The following DPF3 variants were observed in gnomAD, a reference collection of about 807,000 sequenced individuals.
The protein encoded by DPF3 is zinc finger protein DPF3.
A neutral mutation model predicts 56.8 loss-of-function variants in DPF3; 18 were observed. That is an observed-to-expected ratio of 0.32 (90% CI 0.22 to 0.47). The LOEUF is 0.47. DPF3 is among the 20% of genes least tolerant of loss of function. The pLI, the probability that DPF3 is intolerant of heterozygous loss-of-function variation, is 1.00. For missense variants in DPF3, 403 were observed against 488.8 expected, an observed-to-expected ratio of 0.82 and a Z score of 1.65; for synonymous variants, 188 against 180.2, an observed-to-expected ratio of 1.04 and a Z score of -0.35.
chr14:72,652,925 G>A (rs929210406), intron 8 of DPF3, among the ~76,000 whole-genome samples: 1 of 152,196 alleles, frequency 6.6e-6, no homozygotes, highest in African/African-American at 2.4e-5. Flanking sequence ...AGAGGTCAAT[G>A]TGAAGGCTCA....
intron 8 of DPF3, among the ~76,000 whole-genome samples, chr14:72,669,661 TCTCTTGTAGTTGAAG>T (rs1209039996): frequency 2.0e-5 from 3 of 152,160 alleles, no homozygotes; most frequent in East Asian, 3.9e-4. Context: ...CCAGCCATTT[TCTCTTGTAGTTGAAG>T]CCAGAAGCCT....
intron 1 of DPF3, chr14:72,773,778 A>G (rs8015749): frequency 0.57 from 256,660 of 453,314 alleles, 74,585 homozygotes; most frequent in Non-Finnish European, 0.62. Context: ...GTTAACCTAT[A>G]TTATAGCATA....
intron 1 of DPF3, among the ~76,000 whole-genome samples, chr14:72,872,760 T>C (rs1213092724): frequency 6.6e-5 from 10 of 152,174 alleles, no homozygotes; most frequent in Non-Finnish European, 1.5e-4. Flanking sequence ...GCCTCAGAAA[T>C]AATGCCGCAT....
intron 8 of DPF3, among the ~76,000 whole-genome samples, chr14:72,663,718 C>A (rs903217920): frequency 4.6e-5 from 7 of 152,132 alleles, no homozygotes; most frequent in Non-Finnish European, 1.0e-4. Context: ...GTGCCTAGAT[C>A]ACATTAAGCT....
intron 1 of DPF3, among the ~76,000 whole-genome samples, chr14:72,871,761 G>A (rs187071597): frequency 2.0e-4 from 31 of 152,296 alleles, no homozygotes; most frequent in African/African-American, 6.5e-4. Context: ...TTCACAGTCT[G>A]GCATTGAGTC....
intron 6 of DPF3, among the ~76,000 whole-genome samples, chr14:72,695,691 T>C (rs376642329): frequency 6.6e-6 from 1 of 152,040 alleles, no homozygotes; most frequent in East Asian, 1.9e-4. Context: ...TGCTGGGGAC[T>C]CCAAAAGGGG....
chr14:72,692,990 C>G lies in DPF3; in HGVS notation c.742+86G>C, dbSNP rs1034925706. 4 of 1,573,246 alleles carry G rather than the reference C, an allele frequency of 2.5e-6. No homozygotes were observed. In the African/African-American group the frequency reaches 4.0e-5, roughly 16 times the overall value. Reference sequence around the variant, plus strand: ...CTCAACGGTTGCTACCAGAAGATGCCAGCAGTGAGAAAAAGGAACAAGGAA... The same window carrying G: ...CTCAACGGTTGCTACCAGAAGATGCGAGCAGTGAGAAAAAGGAACAAGGAA... On this transcript the variant is annotated intron_variant, in intron 7 of 10. Coordinates refer to ENST00000556509, the MANE Select transcript of DPF3 (RefSeq NM_001280542.3).
chr14:72,834,331 T>C (rs1884192819), intron 1 of DPF3, among the ~76,000 whole-genome samples: 1 of 151,870 alleles, frequency 6.6e-6, no homozygotes, highest in Non-Finnish European at 1.5e-5. Context: ...ATCCCATCTC[T>C]ACTAAAAATA....
chr14:72,654,278 C>T (rs2526913), intron 8 of DPF3, among the ~76,000 whole-genome samples: 37,273 of 151,748 alleles, frequency 0.25, 8,650 homozygotes, highest in African/African-American at 0.61. Context: ...ACCTCTGAGC[C>T]TTTGCTCAGG....
intron 4 of DPF3, among the ~76,000 whole-genome samples, chr14:72,729,293 TGAA>T (rs1196457494): frequency 6.6e-6 from 1 of 151,764 alleles, no homozygotes; most frequent in East Asian, 1.9e-4. Context: ...AATTAAAAAA[TGAA>T]GAAGGTGAGG....
intron 1 of DPF3, among the ~76,000 whole-genome samples, chr14:72,851,672 G>A (rs1280635813): frequency 6.6e-6 from 1 of 152,220 alleles, no homozygotes; most frequent in Admixed American, 6.5e-5. Context: ...AAATGTCACA[G>A]ATGGCCACAA....
At chr14:72,619,856 G>GCTGTTC in intron 10 of DPF3, 47 bp downstream of exon 10, 1 of 1,476,944 alleles carries the variant, frequency 6.8e-7, no homozygotes, top group Non-Finnish European at 9.1e-7. Flanking sequence ...AGTGCTAGTA[G>GCTGTTC]TAGTAGTATC....
chr14:72,805,565 G>T (rs974775792), intron 1 of DPF3, among the ~76,000 whole-genome samples: 14 of 151,688 alleles, frequency 9.2e-5, no homozygotes, highest in Non-Finnish European at 1.9e-4. Flanking sequence ...CAAGAGTATG[G>T]CCAGGCGCGG....
At position 72,613,275 on chromosome 14, in the gene DPF3, C is replaced by T. The variant is rs1021907148; in HGVS notation, c.*6022G>A. On this transcript the variant is annotated 3_prime_UTR_variant, in exon 11 of 11. Transcript: ENST00000556509. ...CCACTTACCTGCCCTCCCGTCCCCA[C>T]CATGGCCGCGTTTATTTGCTAGACA... Among the ~76,000 whole-genome samples the T allele has an allele frequency of 3.3e-5, 5 of 152,164 alleles. No homozygotes were observed. The highest frequency in any genetic ancestry group is 5.9e-5 in the Non-Finnish European group (4 of 68,020).
intron 3 of DPF3, among the ~76,000 whole-genome samples, chr14:72,741,205 T>A (rs537574351): frequency 4.6e-5 from 7 of 152,314 alleles, no homozygotes; most frequent in Admixed American, 4.6e-4. Flanking sequence ...CACCCAGCAG[T>A]GCAGTGTGGA....
chr14:72,712,207 G>T (rs1047862081), intron 6 of DPF3, among the ~76,000 whole-genome samples: 2 of 152,134 alleles, frequency 1.3e-5, no homozygotes, highest in African/African-American at 4.8e-5. Flanking sequence ...CAGAAGGTGG[G>T]AGAGAGCCTG....
chr14:72,863,256 C>G (rs2140101031), intron 1 of DPF3, among the ~76,000 whole-genome samples: 1 of 150,920 alleles, frequency 6.6e-6, no homozygotes, highest in South Asian at 2.1e-4. Flanking sequence ...TTCATTTTAA[C>G]TTTTTCTCAC....
At chr14:72,807,283 G>A (rs1045052454) in intron 1 of DPF3, among the ~76,000 whole-genome samples, 3 of 152,226 alleles carry the variant, frequency 2.0e-5, no homozygotes, top group African/African-American at 7.2e-5. Context: ...TCAATAAAAT[G>A]AGAATTGAAG....
intron 3 of DPF3, among the ~76,000 whole-genome samples, chr14:72,737,190 C>T (rs1889925235): frequency 6.9e-6 from 1 of 145,732 alleles, no homozygotes; most frequent in South Asian, 2.3e-4. Flanking sequence ...CAAATAAAAG[C>T]AAAAAAACAA....
Sources: allele counts gnomAD v4.1 joint callset (sites outside exome capture counted in the v4.1 genomes callset), GRCh38; gene constraint gnomAD v4.1.1; transcripts MANE v1.5; gene names NCBI Gene and HGNC (gene_info 2026-07-23, HGNC 2026-07-21).